TTC7B: variants seen among roughly 807,000 people sequenced by gnomAD.
TTC7B encodes the protein tetratricopeptide repeat protein 7B.
In TTC7B, 28 loss-of-function variants were observed where a neutral mutation model predicts 106.8. The observed-to-expected ratio is 0.26, with a 90% CI of 0.19 to 0.36. The LOEUF (loss-of-function observed/expected upper bound fraction) is 0.36. Among genes scored for constraint, TTC7B ranks in the 10% least tolerant of loss-of-function variants. The pLI is 1.00. For synonymous variants in TTC7B, 405 were observed against 430.6 expected (o/e 0.94, Z 0.74); for missense variants, 862 against 1,076.4 (o/e 0.80, Z 2.79).
chr14:90,586,018 T>C (rs1488036849), intron 18 of TTC7B, among the ~76,000 whole-genome samples: 1 of 152,242 alleles, frequency 6.6e-6, no homozygotes, highest in Non-Finnish European at 1.5e-5. Context: ...TTTGCTGTTA[T>C]GTGGTTGTCC....
Position 90,653,557 on chromosome 14 carries a change from C to G in TTC7B, c.1460-659G>C, listed in dbSNP as rs1885821904. On this transcript the variant is annotated intron_variant, in intron 12 of 19. Coordinates refer to ENST00000328459, the MANE Select transcript of TTC7B (RefSeq NM_001010854.2). ...CTGTGCAGAGCATGTGAGAAATGGC[C>G]CCTTAAACCTGGCTAGGAATGAAAA... is the stretch of plus-strand genomic sequence containing the variant. Among the ~76,000 whole-genome samples, 3 of 152,172 alleles carry G rather than the reference C, an allele frequency of 2.0e-5. No individual in the cohort carries two copies. In the South Asian group the frequency reaches 6.2e-4, roughly 31 times the overall value.
intron 4 of TTC7B, among the ~76,000 whole-genome samples, chr14:90,743,304 T>C (rs1472224747): frequency 6.6e-6 from 1 of 152,160 alleles, no homozygotes; most frequent in African/African-American, 2.4e-5. Context: ...CTAATCTCCC[T>C]GCCTCCTAAA....
chr14:90,578,050 T>C lies in TTC7B; in HGVS notation c.2310+56A>G, dbSNP rs1417395340. On this transcript the variant is annotated intron_variant, in intron 19 of 19. Coordinates refer to ENST00000328459, the MANE Select transcript of TTC7B (RefSeq NM_001010854.2). The surrounding 1 kb of genome is among the most constrained non-coding windows in gnomAD (Gnocchi z 4.7). ...GTGAGGGTCATGTGCTACCTGCCGC[T>C]TCCAAGGGCTGTCCCCATGCCAGAG... The C allele has an allele frequency of 6.4e-7, 1 of 1,553,328 alleles. No homozygotes were observed. Among genetic ancestry groups the C allele is most frequent in the Non-Finnish European group, 8.7e-7 (1 of 1,147,424 alleles).
chr14:90,656,077 G>A (rs1885935046), intron 11 of TTC7B, among the ~76,000 whole-genome samples: 1 of 152,088 alleles, frequency 6.6e-6, no homozygotes, highest in Admixed American at 6.5e-5. Context: ...AAACCCACGT[G>A]ACCAAACTAC....
intron 17 of TTC7B, chr14:90,603,347 A>C: frequency 8.0e-7 from 1 of 1,250,474 alleles, no homozygotes; most frequent in Non-Finnish European, 1.0e-6. Context: ...CAAGAAACAA[A>C]ACATTTGAAA....
At chr14:90,615,581 A>AG (rs1030062232) in intron 16 of TTC7B, among the ~76,000 whole-genome samples, 11 of 152,168 alleles carry the variant, frequency 7.2e-5, no homozygotes, top group Admixed American at 6.5e-5. Context: ...CCCAGCCTCT[A>AG]GGCTGCTGGA....
At chr14:90,765,074 T>C (rs982101501) in intron 3 of TTC7B, among the ~76,000 whole-genome samples, 1 of 152,240 alleles carries the variant, frequency 6.6e-6, no homozygotes, top group African/African-American at 2.4e-5. Context: ...CACCAACTGA[T>C]GAATGGATTA....
chr14:90,689,980 T>G (rs934827508), intron 6 of TTC7B, among the ~76,000 whole-genome samples: 3 of 152,198 alleles, frequency 2.0e-5, no homozygotes, highest in Non-Finnish European at 4.4e-5. Context: ...ACTAAACATG[T>G]TTTATACCTG....
rs770004618 is a variant in TTC7B, at chr14:90,578,126, C to T, written c.2290G>A (p.Val764Met). Residue 764 changes from valine (V) to methionine (M), a missense_variant, in exon 19 of 20, where the codon GTG becomes ATG. By Grantham distance (21) the Val-to-Met change is conservative. Coordinates refer to ENST00000328459, the MANE Select transcript of TTC7B (RefSeq NM_001010854.2). The surrounding 1 kb of genome is among the most constrained non-coding windows in gnomAD (Gnocchi z 4.7). ...EEALAISPTH[V>M]KSMQRLALIL... ...CTCACCAGTCGCTGCATGCTCTTCA[C>T]GTGGGTGGGGCTGATGGCTAAGGCC... The T allele has an allele frequency of 2.0e-5, 33 of 1,611,530 alleles. No individual in the cohort carries two copies. The highest frequency in any genetic ancestry group is 1.8e-4 in the South Asian group (16 of 90,388).
At chr14:90,694,585 T>C (rs1213688374) in intron 6 of TTC7B, among the ~76,000 whole-genome samples, 1 of 148,918 alleles carries the variant, frequency 6.7e-6, no homozygotes, top group African/African-American at 2.5e-5. Flanking sequence ...GTATAATACA[T>C]ATATGTCACA....
chr14:90,710,588 C>T (rs1888406550), intron 5 of TTC7B, among the ~76,000 whole-genome samples: 4 of 152,074 alleles, frequency 2.6e-5, no homozygotes, highest in Non-Finnish European at 4.4e-5. Context: ...CAATGTGGTA[C>T]ACTTCATTGT....
chr14:90,680,276 A>T (rs986758014), intron 8 of TTC7B, among the ~76,000 whole-genome samples, 196 bp downstream of exon 8: 2 of 152,208 alleles, frequency 1.3e-5, no homozygotes. Flanking sequence ...AGGCTAACCA[A>T]GGGACATTGC....
chr14:90,603,863 G>C (rs1892531175), intron 17 of TTC7B, among the ~76,000 whole-genome samples: 1 of 152,140 alleles, frequency 6.6e-6, no homozygotes, highest in Non-Finnish European at 1.5e-5. Context: ...CTGTGGGAGG[G>C]GGTGGATTCT....
intron 3 of TTC7B, among the ~76,000 whole-genome samples, chr14:90,765,143 A>T (rs1476663619): frequency 2.0e-5 from 3 of 152,228 alleles, no homozygotes; most frequent in Non-Finnish European, 4.4e-5. Context: ...AAAAGAAATG[A>T]CACATGCAGC....
At chr14:90,673,156 G>A (rs1422517088) in intron 9 of TTC7B, among the ~76,000 whole-genome samples, 1 of 152,014 alleles carries the variant, frequency 6.6e-6, no homozygotes. Flanking sequence ...AGAGAGATAG[G>A]GAATATCCAC....
At chr14:90,720,739 A>C (rs550752795) in intron 5 of TTC7B, among the ~76,000 whole-genome samples, 119 of 152,348 alleles carry the variant, frequency 7.8e-4, no homozygotes, top group Non-Finnish European at 1.4e-3. Context: ...CCATCTTTCT[A>C]AAAGAAAAGC....
chr14:90,570,665 T>G lies in TTC7B; in HGVS notation c.2310+7441A>C, dbSNP rs773344046. On this transcript the variant is annotated intron_variant, in intron 19 of 19. Transcript: ENST00000328459. The surrounding 1 kb of genome is among the most constrained non-coding windows in gnomAD (Gnocchi z 4.0). ...CGCTGGTGCAGAAAGGGAAGCTCCA[T>G]GGGGCCAGGAGATGACTCACTCACT... Among the ~76,000 whole-genome samples, 3 of 151,974 alleles carry G rather than the reference T, an allele frequency of 2.0e-5. No homozygotes were observed. The highest frequency in any genetic ancestry group is 4.4e-5 in the Non-Finnish European group (3 of 68,006).
intron 3 of TTC7B, among the ~76,000 whole-genome samples, chr14:90,763,551 A>T (rs1890574322): frequency 6.6e-6 from 1 of 152,218 alleles, no homozygotes; most frequent in South Asian, 2.1e-4. Context: ...CCAGATTGGA[A>T]AGGAAAATGT....
chr14:90,633,415 C>T (rs1338309105), intron 15 of TTC7B, among the ~76,000 whole-genome samples: 1 of 152,226 alleles, frequency 6.6e-6, no homozygotes, highest in Non-Finnish European at 1.5e-5. Flanking sequence ...AGTGGCTTTC[C>T]TTAGCGGCCA....
Sources: allele counts gnomAD v4.1 joint callset (sites outside exome capture counted in the v4.1 genomes callset), GRCh38; gene constraint gnomAD v4.1.1; non-coding constraint Gnocchi (gnomAD v3.1); transcripts MANE v1.5; gene names NCBI Gene and HGNC (gene_info 2026-07-23, HGNC 2026-07-21).